Variants in SRBD1 observed in about 807,000 individuals in gnomAD.
SRBD1 encodes the protein S1 RNA binding domain 1.
SRBD1 carries 88 observed loss-of-function variants against 115.3 expected under a neutral mutation model. The ratio of observed to expected loss-of-function variants is 0.76; its 90% CI spans 0.64 to 0.91. The LOEUF is 0.91. Among genes scored for constraint, SRBD1 ranks in the 40% least tolerant of loss-of-function variants. The pLI is 0.00. For missense variants in SRBD1, 1,385 were observed against 1,177.4 expected (o/e 1.18, Z -2.58); for synonymous variants, 509 against 407.7 (o/e 1.25, Z -2.99).
intron 3 of SRBD1, among the ~76,000 whole-genome samples, chr2:45,600,405 G>C (rs188534502): frequency 6.6e-6 from 1 of 152,270 alleles, no homozygotes; most frequent in Non-Finnish European, 1.5e-5. Flanking sequence ...TTTTAAAAAT[G>C]AGTAAAGGAT....
In SRBD1 at chr2:45,562,688, C is replaced by G. The variant is rs1381527700; in HGVS notation, c.1374G>C (p.Val458=). ...LTVKVNISDG[V]KDEFCRWCIQ... is the part of the protein sequence containing the mutation. ...TGCACCACCTACAGAATTCATCCTT[C>G]ACTCCATCAGAAATATTGACCTTAA... is the stretch of plus-strand genomic sequence containing the variant. The change falls in exon 10 of 21, where the codon GTG becomes GTC. Residue 458 remains valine (V), a synonymous_variant. Coordinates refer to ENST00000263736, the MANE Select transcript of SRBD1 (RefSeq NM_018079.5). 1 of 1,612,020 alleles carries G rather than the reference C, an allele frequency of 6.2e-7. No individual in the cohort carries two copies.
In SRBD1 at chr2:45,601,851, C is replaced by G. The variant is rs1009885934; in HGVS notation, c.261+52G>C. 10 of 1,585,416 alleles carry G rather than the reference C, an allele frequency of 6.3e-6. No homozygotes were observed. The Admixed American group carries it at 1.4e-4, about 23-fold the overall frequency. Reference sequence around the variant, plus strand: ...ACTCTGTAGAATAAGAAAATAACATCACCAATCAGGAAGACACTACAGAGT... The same window carrying G: ...ACTCTGTAGAATAAGAAAATAACATGACCAATCAGGAAGACACTACAGAGT... On this transcript the variant is annotated intron_variant, in intron 3 of 20. Coordinates refer to ENST00000263736, the MANE Select transcript of SRBD1 (RefSeq NM_018079.5).
At chr2:45,515,050 C>CT (rs1268216025) in intron 14 of SRBD1, among the ~76,000 whole-genome samples, 1 of 152,066 alleles carries the variant, frequency 6.6e-6, no homozygotes, top group Non-Finnish European at 1.5e-5. Context: ...AGCAATATGA[C>CT]TAAGACACTT....
chr2:45,493,674 C>G (rs991111808), intron 14 of SRBD1, among the ~76,000 whole-genome samples: 3 of 151,688 alleles, frequency 2.0e-5, no homozygotes, highest in Non-Finnish European at 2.9e-5. Flanking sequence ...ATCAGCCAAG[C>G]GTGGTGGTAC....
chr2:45,399,106 T>C (rs1301396276), intron 19 of SRBD1, among the ~76,000 whole-genome samples: 8 of 152,006 alleles, frequency 5.3e-5, no homozygotes, highest in Admixed American at 4.6e-4. Context: ...CCCAGTATTA[T>C]GCAGCCTGAT....
In SRBD1 at chr2:45,471,285, C is replaced by T. The variant is rs1429224424; in HGVS notation, c.2049+5708G>A. Among the ~76,000 whole-genome samples, 3 of 152,186 alleles carry T rather than the reference C, an allele frequency of 2.0e-5. No homozygotes were observed. The East Asian group carries it at 5.8e-4, about 29-fold the overall frequency. ...TTTTTTCTTCAATGTAAACACATGC[C>T]TACATTTTTAAAACACAAATTGTTT... On this transcript the variant is annotated intron_variant, in intron 16 of 20. Transcript: ENST00000263736.
At chr2:45,438,193 A>C (rs1223977795) in intron 16 of SRBD1, among the ~76,000 whole-genome samples, 1 of 152,224 alleles carries the variant, frequency 6.6e-6, no homozygotes, top group African/African-American at 2.4e-5. Flanking sequence ...TCTTGAAAAA[A>C]ATCCCTATAT....
chr2:45,510,761 A>T (rs1670941033), intron 14 of SRBD1, among the ~76,000 whole-genome samples: 1 of 152,232 alleles, frequency 6.6e-6, no homozygotes, highest in South Asian at 2.1e-4. Context: ...ACCAATTAGT[A>T]AAGTCGGGCC....
At position 45,579,963 on chromosome 2, in the gene SRBD1, T is replaced by C. The variant is rs1291366589; in HGVS notation, c.984A>G (p.Arg328=). ...GSKGTKAQRA[R]QLGLEGAARA... ...TGGCTGCTCCTTCTAAGCCCAACTG[T>C]CTTGCTCTCTGGGCTTTAGTCCCTT... is the stretch of plus-strand genomic sequence containing the variant. Residue 328 remains arginine, a synonymous_variant, in exon 7 of 21, where the codon AGA becomes AGG. Coordinates refer to ENST00000263736, the MANE Select transcript of SRBD1 (RefSeq NM_018079.5). 2 of 1,607,026 alleles carry C rather than the reference T, an allele frequency of 1.2e-6. No individual in the cohort carries two copies. The highest frequency in any genetic ancestry group is 1.1e-5 in the South Asian group (1 of 90,128).
rs1252491096 is a variant in SRBD1, at chr2:45,602,032, T to C, written c.132A>G (p.Gln44=). The C allele has an allele frequency of 4.3e-6, 7 of 1,614,048 alleles. No individual in the cohort carries two copies. Among genetic ancestry groups the C allele is most frequent in the South Asian group, 1.1e-5 (1 of 91,084 alleles). The change falls in exon 3 of 21, where the codon CAA becomes CAG. Residue 44 remains glutamine, a synonymous_variant. Coordinates refer to ENST00000263736, the MANE Select transcript of SRBD1 (RefSeq NM_018079.5). ...DDKEDSAWEP[Q]KKVPRSRKQP... is the part of the protein sequence containing the mutation. The stretch of plus-strand genomic sequence containing the variant: ...GTTTACGGCTTCTGGGAACTTTCTT[T>C]TGGGGCTCCCAGGCACTATCTTCCT...
At chr2:45,606,957 TC>T (rs1674293431) in intron 1 of SRBD1, among the ~76,000 whole-genome samples, 2 of 152,176 alleles carry the variant, frequency 1.3e-5, no homozygotes, top group Admixed American at 6.5e-5. Flanking sequence ...AAAGGGGTTG[TC>T]ACAAAAGGGA....
rs560331439 is a variant in SRBD1 at position 45,585,987 on chromosome 2, C to G, written c.649-213G>C. 5.2e-4 allele frequency among the ~76,000 whole-genome samples: 79 copies of G among 152,160 alleles called. 1 individual carries two copies. In the South Asian group the frequency reaches 0.015, roughly 30 times the overall value. ...TTTCACAAATTCAATAAAATCTAAT[C>G]CAAACCACTGTATCATTCAAATTCC... On this transcript the variant is annotated intron_variant, in intron 4 of 20. Coordinates refer to ENST00000263736, the MANE Select transcript of SRBD1 (RefSeq NM_018079.5).
chr2:45,455,981 T>A (rs2103757615), intron 16 of SRBD1, among the ~76,000 whole-genome samples: 1 of 151,818 alleles, frequency 6.6e-6, no homozygotes, highest in South Asian at 2.1e-4. Flanking sequence ...TAAATAAATA[T>A]ACATAAAGTA....
chr2:45,587,032 TA>T (rs1262326178), intron 4 of SRBD1, among the ~76,000 whole-genome samples: 5 of 132,796 alleles, frequency 3.8e-5, no homozygotes, highest in East Asian at 4.0e-4. Flanking sequence ...TTAAAATATT[TA>T]AAAATTTTTA....
At chr2:45,499,239 A>T (rs1232166115) in intron 14 of SRBD1, among the ~76,000 whole-genome samples, 2 of 151,986 alleles carry the variant, frequency 1.3e-5, no homozygotes, top group Admixed American at 6.6e-5. Context: ...CATTTCTTTG[A>T]TGATTAGTGA....
At chr2:45,548,198 A>G (rs1672182043) in intron 12 of SRBD1, among the ~76,000 whole-genome samples, 1 of 151,350 alleles carries the variant, frequency 6.6e-6, no homozygotes, top group Non-Finnish European at 1.5e-5. Context: ...AAGAACAGCA[A>G]AATAACCCAA....
intron 9 of SRBD1, among the ~76,000 whole-genome samples, chr2:45,570,726 C>T (rs1435607404): frequency 6.6e-6 from 1 of 152,162 alleles, no homozygotes; most frequent in Non-Finnish European, 1.5e-5. Flanking sequence ...CTGAAGATGA[C>T]AGCCCACGTT....
chr2:45,464,230 T>C (rs1669411674), intron 16 of SRBD1, among the ~76,000 whole-genome samples: 1 of 152,176 alleles, frequency 6.6e-6, no homozygotes, highest in Admixed American at 6.5e-5. Flanking sequence ...ATGGCCATTC[T>C]AATGCTCTCT....
intron 16 of SRBD1, among the ~76,000 whole-genome samples, chr2:45,475,873 A>T (rs551170116): frequency 2.0e-5 from 3 of 152,226 alleles, no homozygotes; most frequent in African/African-American, 7.2e-5. Context: ...TAATTTTTGT[A>T]TTCTTAGTAG....
Sources: allele counts gnomAD v4.1 joint callset (sites outside exome capture counted in the v4.1 genomes callset), GRCh38; gene constraint gnomAD v4.1.1; transcripts MANE v1.5; gene names NCBI Gene and HGNC (gene_info 2026-07-23, HGNC 2026-07-21).